Variants in RORA observed in about 807,000 individuals in gnomAD.
RORA encodes the protein RAR related orphan receptor A.
In RORA, 7 loss-of-function variants were observed where a neutral mutation model predicts 69.5. The observed-to-expected ratio is 0.10, with a 90% CI of 0.06 to 0.19. RORA has a LOEUF of 0.19. Ranked by LOEUF, RORA falls within the 10% of genes least tolerant of loss-of-function variation. The probability of loss-of-function intolerance (pLI) is 1.00; values close to 1 mark genes in which losing one functional copy is unlikely to be tolerated. For missense variants in RORA, 457 were observed against 663.0 expected (o/e 0.69, Z 3.41); for synonymous variants, 261 against 240.8 (o/e 1.08, Z -0.78).
intron 1 of RORA, among the ~76,000 whole-genome samples, chr15:60,779,931 C>T (rs535889603): frequency 5.6e-4 from 85 of 152,302 alleles, no homozygotes; most frequent in African/African-American, 1.9e-3. Context: ...CTTCCCTCAT[C>T]AGAAACACAT....
chr15:61,051,326 A>T (rs1269118282), intron 1 of RORA, among the ~76,000 whole-genome samples: 2 of 152,098 alleles, frequency 1.3e-5, no homozygotes, highest in Admixed American at 6.5e-5. Flanking sequence ...CACTACCCCT[A>T]TCCCCACTCC....
chr15:60,785,653 G>A (rs2072323873), intron 1 of RORA, among the ~76,000 whole-genome samples: 1 of 152,146 alleles, frequency 6.6e-6, no homozygotes, highest in South Asian at 2.1e-4. Flanking sequence ...TGCAGCCTCG[G>A]TAGCCTTCAC....
At chr15:61,056,157 G>C (rs1482070007) in intron 1 of RORA, among the ~76,000 whole-genome samples, 1 of 152,132 alleles carries the variant, frequency 6.6e-6, no homozygotes, top group African/African-American at 2.4e-5. Flanking sequence ...AAGAAACCAG[G>C]AAATGACATT....
chr15:60,583,674 C>T (rs2068253672), intron 2 of RORA, among the ~76,000 whole-genome samples: 1 of 152,146 alleles, frequency 6.6e-6, no homozygotes, highest in African/African-American at 2.4e-5. Flanking sequence ...AACAGTCTGC[C>T]CACTTGCTTC....
chr15:60,498,993 G>A (rs2065249570), intron 10 of RORA, among the ~76,000 whole-genome samples: 1 of 151,968 alleles, frequency 6.6e-6, no homozygotes, highest in East Asian at 1.9e-4. Context: ...CATACTACTA[G>A]CAATGGCACT....
At chr15:61,168,079 T>C (rs1395178210) in intron 1 of RORA, among the ~76,000 whole-genome samples, 2 of 151,850 alleles carry the variant, frequency 1.3e-5, no homozygotes, top group East Asian at 3.9e-4. Context: ...ATGCTGAGTG[T>C]TGTTTCCTGT....
intron 1 of RORA, among the ~76,000 whole-genome samples, chr15:60,871,194 GC>G (rs1478479907): frequency 1.3e-5 from 2 of 152,130 alleles, no homozygotes; most frequent in African/African-American, 4.8e-5. Flanking sequence ...CAGAAGTTTT[GC>G]ACGTTTCCCC....
At chr15:60,555,092 C>T (rs956982980) in intron 2 of RORA, among the ~76,000 whole-genome samples, 1 of 152,192 alleles carries the variant, frequency 6.6e-6, no homozygotes, top group Non-Finnish European at 1.5e-5. Context: ...GCGTGCCCTA[C>T]TTGCCAGGCA....
chr15:60,597,875 C>T (rs1217288024), intron 2 of RORA, among the ~76,000 whole-genome samples: 1 of 151,246 alleles, frequency 6.6e-6, no homozygotes, highest in Non-Finnish European at 1.5e-5. Flanking sequence ...ATCCACTTTT[C>T]GGGAACACTT....
chr15:60,664,850 G>T (rs1434340500), intron 2 of RORA, among the ~76,000 whole-genome samples: 1 of 152,186 alleles, frequency 6.6e-6, no homozygotes, highest in Non-Finnish European at 1.5e-5. Flanking sequence ...AATTGATACT[G>T]CAGGGGATAA....
At chr15:61,170,611 A>G (rs922661653) in intron 1 of RORA, among the ~76,000 whole-genome samples, 2 of 152,208 alleles carry the variant, frequency 1.3e-5, no homozygotes, top group African/African-American at 4.8e-5. Flanking sequence ...TTTGCCTGCC[A>G]TACTTCTCTC....
At chr15:60,694,374 G>A (rs543986271) in intron 1 of RORA, among the ~76,000 whole-genome samples, 123 of 152,286 alleles carry the variant, frequency 8.1e-4, no homozygotes, top group Non-Finnish European at 1.5e-3. Flanking sequence ...CACGGAAGAT[G>A]AGCATCTGAA....
chr15:60,616,124 T>G (rs1012186840), intron 2 of RORA, among the ~76,000 whole-genome samples: 4 of 152,340 alleles, frequency 2.6e-5, no homozygotes, highest in African/African-American at 9.6e-5. Context: ...AAACACTTTA[T>G]GTCCTGTTTA....
chr15:60,553,028 C>T (rs62003288), intron 2 of RORA, among the ~76,000 whole-genome samples: 24,973 of 152,034 alleles, frequency 0.16, 2,218 homozygotes, highest in South Asian at 0.29. Flanking sequence ...TAATCTCTAC[C>T]ACAGAGATAA....
chr15:61,035,159 T>G (rs1176722350), intron 1 of RORA, among the ~76,000 whole-genome samples: 1 of 152,156 alleles, frequency 6.6e-6, no homozygotes, highest in Non-Finnish European at 1.5e-5. Context: ...AACAACTCAT[T>G]TTTTTCCCCT....
intron 1 of RORA, among the ~76,000 whole-genome samples, chr15:60,805,437 G>T (rs1388801519): frequency 2.0e-5 from 3 of 152,218 alleles, no homozygotes; most frequent in Non-Finnish European, 4.4e-5. Flanking sequence ...CAGCCAGAAG[G>T]GAGGAGTCAG....
At chr15:60,910,452 A>T (rs2140477941) in intron 1 of RORA, among the ~76,000 whole-genome samples, 1 of 152,382 alleles carries the variant, frequency 6.6e-6, no homozygotes, top group South Asian at 2.1e-4. Context: ...AATTATTTGG[A>T]AGATCAAGTA....
chr15:60,690,836 T>C (rs1052462799), intron 1 of RORA, among the ~76,000 whole-genome samples: 2 of 152,188 alleles, frequency 1.3e-5, no homozygotes, highest in African/African-American at 4.8e-5. Flanking sequence ...GAAGTCTTCC[T>C]GTTACCATAC....
chr15:61,019,418 G>C (rs953617637), intron 1 of RORA, among the ~76,000 whole-genome samples: 1 of 152,078 alleles, frequency 6.6e-6, no homozygotes, highest in African/African-American at 2.4e-5. Context: ...GTTGTCAGTC[G>C]ATGATTATCA....
Sources: allele counts gnomAD v4.1 joint callset (sites outside exome capture counted in the v4.1 genomes callset), GRCh38; gene constraint gnomAD v4.1.1; transcripts MANE v1.5; gene names NCBI Gene and HGNC (gene_info 2026-07-23, HGNC 2026-07-21).